The following PPP1R21 variants were observed in gnomAD, a reference collection of about 807,000 sequenced individuals.
PPP1R21 encodes protein phosphatase 1 regulatory subunit 21, also known as KLRAQ motif containing 1.
PPP1R21 carries 85 observed loss-of-function variants against 112.8 expected under a neutral mutation model. That is an observed-to-expected ratio of 0.75 (90% CI 0.63 to 0.90). The LOEUF is 0.90. Among genes scored for constraint, PPP1R21 ranks in the 40% least tolerant of loss-of-function variants. The pLI is 0.00. For synonymous variants in PPP1R21, 381 were observed against 322.3 expected (o/e 1.18, Z -1.95); for missense variants, 1,199 against 901.5 (o/e 1.33, Z -4.23).
Position 48,465,619 on chromosome 2 carries a change from A to G in PPP1R21, c.874A>G (p.Thr292Ala), listed in dbSNP as rs1157611532. 5 of 1,612,132 alleles carry G rather than the reference A, an allele frequency of 3.1e-6. No homozygotes were observed. The highest frequency in any genetic ancestry group is 1.1e-5 in the South Asian group (1 of 90,402). The change falls in exon 9 of 22, where the codon ACT becomes GCT. Residue 292 changes from threonine to alanine, a missense_variant. By Grantham distance (58) the Thr-to-Ala change is moderately conservative. Coordinates refer to ENST00000294952, the MANE Select transcript of PPP1R21 (RefSeq NM_001135629.3). ...TTTTCCTGTTGATTCTGCCATTGAC[A>G]CTATATCTCCATTGAATCAGAAGGT... ...QIFPVDSAID[T>A]ISPLNQKFSQ...
Position 48,461,188 on chromosome 2 carries a change from A to G in PPP1R21, c.650A>G (p.Glu217Gly), listed in dbSNP as rs906831857. The change falls in exon 7 of 22, where the codon GAA becomes GGA. Residue 217 changes from glutamate (E) to glycine (G), a missense_variant. Coordinates refer to ENST00000294952, the MANE Select transcript of PPP1R21 (RefSeq NM_001135629.3). ...LHEDLSGRLE[E>G]SLSIINEKVP... The stretch of plus-strand genomic sequence containing the variant: ...GAAGATTTGTCAGGTAGATTAGAGG[A>G]ATCCTTATCAATCATCAATGAAAAA... The G allele has an allele frequency of 6.3e-7, 1 of 1,582,980 alleles. No individual in the cohort carries two copies. The highest frequency in any genetic ancestry group is 8.5e-7 in the Non-Finnish European group (1 of 1,170,530).
At chr2:48,499,037 G>T (rs1351136087) in intron 17 of PPP1R21, among the ~76,000 whole-genome samples, 1 of 151,186 alleles carries the variant, frequency 6.6e-6, no homozygotes, top group East Asian at 1.9e-4. Context: ...GGTCTCTTTT[G>T]TAAGGGTATT....
intron 1 of PPP1R21, among the ~76,000 whole-genome samples, chr2:48,447,763 A>G (rs1020987035): frequency 6.6e-6 from 1 of 152,118 alleles, no homozygotes; most frequent in African/African-American, 2.4e-5. Flanking sequence ...AGCCTGGTCA[A>G]CATGGTGAAG....
chr2:48,505,504 A>G (rs1670332845), intron 17 of PPP1R21, 60 bp from the exon 18 acceptor site: 1 of 1,234,798 alleles, frequency 8.1e-7, no homozygotes. Flanking sequence ...AAAGCGTTTG[A>G]TCTATTGTGC....
chr2:48,508,585 A>G (rs1670490885), intron 19 of PPP1R21, among the ~76,000 whole-genome samples: 1 of 152,228 alleles, frequency 6.6e-6, no homozygotes, highest in Non-Finnish European at 1.5e-5. Context: ...AGCAGTGGAA[A>G]TGCTGAATCA....
In PPP1R21 at chr2:48,498,567, C is replaced by G; in HGVS notation, c.1767C>G (p.Ala589=). 1 of 1,614,132 alleles carries G rather than the reference C, an allele frequency of 6.2e-7. No individual in the cohort carries two copies. ...ATTGGATGTTGGAAGCACAATTAGCCAAAATCAAGCTAGAGAAAGAAAACC... is the reference window on the plus strand; with the variant it reads ...ATTGGATGTTGGAAGCACAATTAGCGAAAATCAAGCTAGAGAAAGAAAACC... ...KEHWMLEAQL[A]KIKLEKENQR... is the part of the protein sequence containing the mutation. Residue 589 remains alanine (A), a synonymous_variant, in exon 17 of 22, where the codon GCC becomes GCG. Transcript: ENST00000294952.
At position 48,469,261 on chromosome 2, in the gene PPP1R21, T is replaced by TTGTGTGTGTG. The variant is rs745866100; in HGVS notation, c.898-1800_898-1791dup. Among the ~76,000 whole-genome samples the TTGTGTGTGTG allele has an allele frequency of 1.4e-3, 64 of 46,224 alleles. 1 individual carries two copies. Among genetic ancestry groups the TTGTGTGTGTG allele is most frequent in the Non-Finnish European group, 1.8e-3 (40 of 21,654 alleles). The allele number at this position is 46,224 out of a possible 152,430, so 30.3% of individuals were successfully genotyped here. A position where few individuals can be genotyped will look rare whatever the true frequency, so the allele number is the denominator to read the frequency against. On this transcript the variant is annotated intron_variant, in intron 9 of 21. Coordinates refer to ENST00000294952, the MANE Select transcript of PPP1R21 (RefSeq NM_001135629.3). Reference sequence around the variant, plus strand: ...GCCAAACCATATCAATATATTTGAATTGTGTGTGTGTGTGTGTGTGTGTGT... The same window carrying TTGTGTGTGTG: ...GCCAAACCATATCAATATATTTGAATTGTGTGTGTGTGTGTGTGTGTGTGTGTGTGTGTGT...
intron 16 of PPP1R21, 175 bp downstream of exon 16, chr2:48,495,946 T>G (rs1572886110): frequency 3.6e-6 from 2 of 562,134 alleles, no homozygotes; most frequent in East Asian, 5.8e-5. Context: ...AAACATGTGT[T>G]GACACTCTAA....
At chr2:48,468,801 T>G (rs1005365134) in intron 9 of PPP1R21, among the ~76,000 whole-genome samples, 7 of 150,814 alleles carry the variant, frequency 4.6e-5, no homozygotes, top group Non-Finnish European at 1.0e-4. Context: ...GGCAACAGAG[T>G]GAGACCCTGT....
Position 48,511,542 on chromosome 2 carries a change from C to G in PPP1R21, c.2313+74C>G. 1.9e-6 allele frequency: 3 copies of G among 1,547,198 alleles called. No individual in the cohort carries two copies. In the South Asian group the frequency reaches 3.6e-5, roughly 19 times the overall value. On this transcript the variant is annotated intron_variant, in intron 21 of 21. Coordinates refer to ENST00000294952, the MANE Select transcript of PPP1R21 (RefSeq NM_001135629.3). ...TGAGGTATTTTATTGTTATGCATTT[C>G]AGGAGGAAGAGGACATAAGATTTAA...
chr2:48,461,324 A>C (rs36022363), intron 7 of PPP1R21, 92 bp downstream of exon 7: 151,753 of 1,367,876 alleles, frequency 0.11, 9,175 homozygotes, highest in Non-Finnish European at 0.12. Context: ...TTTTGGGCAA[A>C]AAATTTAATT....
intron 13 of PPP1R21, among the ~76,000 whole-genome samples, chr2:48,482,646 T>G (rs1558481608): frequency 1.3e-5 from 1 of 79,936 alleles, no homozygotes; most frequent in Non-Finnish European, 2.9e-5. Context: ...AAAGACACTG[T>G]TTTTTTTTTT....
intron 7 of PPP1R21, among the ~76,000 whole-genome samples, chr2:48,463,130 G>C (rs1668048355): frequency 6.6e-6 from 1 of 152,222 alleles, no homozygotes; most frequent in Non-Finnish European, 1.5e-5. Flanking sequence ...TGAAAGACTA[G>C]ACTTTGGCAG....
At chr2:48,482,920 A>T (rs184404206) in intron 13 of PPP1R21, among the ~76,000 whole-genome samples, 3 of 151,966 alleles carry the variant, frequency 2.0e-5, no homozygotes, top group African/African-American at 7.2e-5. Context: ...ATTCTTCCTG[A>T]TGCTATCCCT....
intron 13 of PPP1R21, among the ~76,000 whole-genome samples, chr2:48,485,604 TTAAA>T (rs1399652043): frequency 6.6e-6 from 1 of 151,816 alleles, no homozygotes; most frequent in Non-Finnish European, 1.5e-5. Context: ...TTAATAATTT[TTAAA>T]TTCCCTAGTT....
intron 11 of PPP1R21, among the ~76,000 whole-genome samples, chr2:48,472,606 ACAGAGTGAGACTCCGTCT>A (rs1668569402): frequency 6.6e-6 from 1 of 152,008 alleles, no homozygotes; most frequent in Admixed American, 6.6e-5. Context: ...AGCCTGGGCA[ACAGAGTGAGACTCCGTCT>A]CAAAAAAAAA....
At chr2:48,463,578 C>T (rs114121626) in intron 7 of PPP1R21, among the ~76,000 whole-genome samples, 3,504 of 151,908 alleles carry the variant, frequency 0.023, 48 homozygotes, top group Non-Finnish European at 0.034. Flanking sequence ...GCCTGACAGA[C>T]GGGCAAAGTG....
At chr2:48,497,545 C>A (rs941408031) in intron 16 of PPP1R21, among the ~76,000 whole-genome samples, 1 of 151,996 alleles carries the variant, frequency 6.6e-6, no homozygotes, top group Admixed American at 6.6e-5. Flanking sequence ...TTGTGTTCAG[C>A]ACAGTATATG....
Position 48,464,960 on chromosome 2 carries a change from A to G in PPP1R21, c.718A>G (p.Asn240Asp). Reference sequence around the variant, plus strand: ...AGAATATAGTCAGTACAACGCTCTGAACGTTCCACTCCACAATAGGAGACA... The same window carrying G: ...AGAATATAGTCAGTACAACGCTCTGGACGTTCCACTCCACAATAGGAGACA... ...DTKYSQYNAL[N>D]VPLHNRRHQL... Residue 240 changes from asparagine to aspartate, a missense_variant, in exon 8 of 22, where the codon AAC becomes GAC. Asn to Asp is a conservative substitution (Grantham distance 23). Coordinates refer to ENST00000294952, the MANE Select transcript of PPP1R21 (RefSeq NM_001135629.3). The G allele has an allele frequency of 6.4e-7, 1 of 1,561,494 alleles. No individual in the cohort carries two copies.
Sources: gnomAD v4.1 joint callset for allele counts (sites outside exome capture counted in the v4.1 genomes callset) on GRCh38, gnomAD v4.1.1 for gene constraint, MANE v1.5 for transcripts, NCBI Gene and HGNC (gene_info 2026-07-23, HGNC 2026-07-21) for gene names.